Variants in STXBP5L observed in about 807,000 individuals in gnomAD.
The protein encoded by STXBP5L is syntaxin binding protein 5L, also known as syntaxin-binding protein 5-like.
Under a neutral mutation model 144.5 loss-of-function variants are expected in STXBP5L, and 65 were observed. The observed-to-expected ratio is 0.45, with a 90% CI of 0.37 to 0.55. STXBP5L has a LOEUF of 0.55. STXBP5L is among the 20% of genes least tolerant of loss of function. The pLI, the probability that STXBP5L is intolerant of heterozygous loss-of-function variation, is 0.00. For missense variants in STXBP5L, 1,298 were observed against 1,405.5 expected, an observed-to-expected ratio of 0.92 and a Z score of 1.22; for synonymous variants, 505 against 469.6, an observed-to-expected ratio of 1.08 and a Z score of -0.97.
chr3:121,179,173 C>T (rs973593353), intron 9 of STXBP5L, among the ~76,000 whole-genome samples: 1 of 151,894 alleles, frequency 6.6e-6, no homozygotes, highest in African/African-American at 2.4e-5. Context: ...AAATTGTACA[C>T]CATGAGAGAA....
At chr3:121,351,230 A>G (rs748885040) in intron 20 of STXBP5L, among the ~76,000 whole-genome samples, 5 of 152,038 alleles carry the variant, frequency 3.3e-5, no homozygotes, top group African/African-American at 4.8e-5. Context: ...TCCACTCCAG[A>G]CCCTGTTTGC....
intron 20 of STXBP5L, among the ~76,000 whole-genome samples, chr3:121,325,642 T>C (rs1339434989): frequency 6.6e-6 from 1 of 152,054 alleles, no homozygotes; most frequent in Non-Finnish European, 1.5e-5. Flanking sequence ...TTAAAGTTTC[T>C]GGAAAAACTG....
At chr3:121,227,264 A>G (rs2049150491) in intron 11 of STXBP5L, among the ~76,000 whole-genome samples, 1 of 152,170 alleles carries the variant, frequency 6.6e-6, no homozygotes. Flanking sequence ...ATCCTTATCA[A>G]TTACTTAATT....
chr3:121,045,906 C>T (rs1576763940), intron 5 of STXBP5L, among the ~76,000 whole-genome samples: 1 of 152,006 alleles, frequency 6.6e-6, no homozygotes, highest in South Asian at 2.1e-4. Flanking sequence ...TCTATGTTGA[C>T]TAGGAATGGT....
chr3:121,234,065 A>G (rs1216622774), intron 12 of STXBP5L, among the ~76,000 whole-genome samples: 1 of 152,158 alleles, frequency 6.6e-6, no homozygotes, highest in African/African-American at 2.4e-5. Flanking sequence ...ACAACACAGA[A>G]GACCAGAATC....
rs560502238 is a variant in STXBP5L, at chr3:121,050,105, C to T, written c.470+4570C>T. The stretch of plus-strand genomic sequence containing the variant: ...CTGTTCACTGTGGGTGATGCTGTTT[C>T]CCTGATAAATCCCCATGTTTCCACC... On this transcript the variant is annotated intron_variant, in intron 5 of 26. Coordinates refer to ENST00000471454, the MANE Select transcript of STXBP5L (RefSeq NM_001308330.2). Among the ~76,000 whole-genome samples, 5 of 152,238 alleles carry T rather than the reference C, an allele frequency of 3.3e-5. No individual in the cohort carries two copies. In the East Asian group the frequency reaches 9.7e-4, roughly 29 times the overall value.
intron 5 of STXBP5L, among the ~76,000 whole-genome samples, chr3:121,052,806 G>A (rs1370677042): frequency 6.6e-6 from 1 of 152,250 alleles, no homozygotes; most frequent in Non-Finnish European, 1.5e-5. Context: ...AAGTCAAATT[G>A]TCCCTGTTTG....
chr3:121,202,424 G>T (rs1413227127), intron 9 of STXBP5L, among the ~76,000 whole-genome samples: 1 of 152,046 alleles, frequency 6.6e-6, no homozygotes, highest in African/African-American at 2.4e-5. Context: ...TTTTAAGTCA[G>T]TTAAGAGGTG....
intron 3 of STXBP5L, among the ~76,000 whole-genome samples, chr3:120,966,895 C>G (rs575915345): frequency 6.6e-6 from 1 of 152,316 alleles, no homozygotes; most frequent in Non-Finnish European, 1.5e-5. Context: ...CAGCTATACC[C>G]TGCCCAGAGA....
intron 9 of STXBP5L, among the ~76,000 whole-genome samples, chr3:121,199,112 T>C (rs976656402): frequency 1.3e-5 from 2 of 152,226 alleles, no homozygotes; most frequent in Non-Finnish European, 2.9e-5. Flanking sequence ...TTCCTATCCA[T>C]GAGCATACAA....
rs190266298 is a variant in STXBP5L, at chr3:121,206,727, T to A, written c.956+726T>A. On this transcript the variant is annotated intron_variant, in intron 10 of 26. Coordinates refer to ENST00000471454, the MANE Select transcript of STXBP5L (RefSeq NM_001308330.2). ...TACTTGGGAGGCTGAGGCACAAGAA[T>A]CCTTTGAGCCCAGGAGGTGGAGGTT... is the stretch of plus-strand genomic sequence containing the variant. Among the ~76,000 whole-genome samples the A allele has an allele frequency of 3.4e-4, 51 of 152,202 alleles. No individual in the cohort carries two copies. The East Asian group carries it at 9.9e-3, about 29-fold the overall frequency.
At chr3:121,352,995 C>T (rs913958822) in intron 20 of STXBP5L, among the ~76,000 whole-genome samples, 2 of 152,044 alleles carry the variant, frequency 1.3e-5, no homozygotes, top group East Asian at 1.9e-4. Flanking sequence ...TATTTATTTG[C>T]GTATGTTGAA....
At chr3:121,383,749 T>C (rs543274892) in intron 22 of STXBP5L, among the ~76,000 whole-genome samples, 9 of 152,234 alleles carry the variant, frequency 5.9e-5, no homozygotes, top group African/African-American at 1.9e-4. Flanking sequence ...TGCTTCCTCT[T>C]TCAGAGCCTA....
chr3:121,191,228 A>G (rs552965035), intron 9 of STXBP5L, among the ~76,000 whole-genome samples: 1 of 152,284 alleles, frequency 6.6e-6, no homozygotes, highest in Admixed American at 6.5e-5. Flanking sequence ...AGATCACGCC[A>G]CTGCACTCCA....
intron 20 of STXBP5L, among the ~76,000 whole-genome samples, chr3:121,326,637 A>G (rs1405232840): frequency 2.0e-5 from 3 of 152,088 alleles, no homozygotes; most frequent in African/African-American, 4.8e-5. Flanking sequence ...TGGAAATGGC[A>G]TAGCTTTGGA....
chr3:121,382,628 G>A (rs901572099), intron 22 of STXBP5L, among the ~76,000 whole-genome samples: 14 of 151,956 alleles, frequency 9.2e-5, no homozygotes, highest in Admixed American at 2.0e-4. Context: ...CAAGTTTAAA[G>A]GTACAGTCAG....
intron 19 of STXBP5L, among the ~76,000 whole-genome samples, chr3:121,304,247 CTG>C (rs2043254536): frequency 6.6e-6 from 1 of 152,088 alleles, no homozygotes; most frequent in African/African-American, 2.4e-5. Context: ...GAAGCAAAAA[CTG>C]TCAAAACTAG....
chr3:121,042,323 G>A (rs1353745000), intron 4 of STXBP5L, among the ~76,000 whole-genome samples: 2 of 152,090 alleles, frequency 1.3e-5, no homozygotes, highest in Admixed American at 6.6e-5. Flanking sequence ...ATGGTGATGA[G>A]GAACTCTCTA....
intron 25 of STXBP5L, 125 bp from the exon 26 acceptor site, chr3:121,418,212 A>G: frequency 1.8e-6 from 2 of 1,142,672 alleles, no homozygotes; most frequent in Non-Finnish European, 1.2e-6. Flanking sequence ...ACTGGACCAA[A>G]TAAGACTCTC....
Sources: allele counts gnomAD v4.1 joint callset (sites outside exome capture counted in the v4.1 genomes callset), GRCh38; gene constraint gnomAD v4.1.1; transcripts MANE v1.5; gene names NCBI Gene and HGNC (gene_info 2026-07-23, HGNC 2026-07-21).